Variants in CADM2 observed in about 807,000 individuals in gnomAD.
CADM2 encodes the protein cell adhesion molecule 2, also known as immunoglobulin superfamily member 4D.
CADM2 carries 12 observed loss-of-function variants against 49.8 expected under a neutral mutation model. That is an observed-to-expected ratio of 0.24 (90% CI 0.15 to 0.39). CADM2 has a LOEUF of 0.39. Among genes scored for constraint, CADM2 ranks in the 10% least tolerant of loss-of-function variants. The pLI, the probability that CADM2 is intolerant of heterozygous loss-of-function variation, is 1.00. For synonymous variants in CADM2, 214 were observed against 175.4 expected, an observed-to-expected ratio of 1.22 and a Z score of -1.74; for missense variants, 378 against 492.3, an observed-to-expected ratio of 0.77 and a Z score of 2.20.
At chr3:85,514,250 A>G (rs2060842131) in intron 1 of CADM2, among the ~76,000 whole-genome samples, 1 of 152,112 alleles carries the variant, frequency 6.6e-6, no homozygotes, top group South Asian at 2.1e-4. Context: ...AGTTGTAATG[A>G]GAATAATACC....
chr3:85,198,396 C>CT lies in CADM2; in HGVS notation c.61+238739dup, dbSNP rs71617935. On this transcript the variant is annotated intron_variant, in intron 1 of 9. Coordinates refer to ENST00000383699, the MANE Select transcript of CADM2 (RefSeq NM_001167675.2). ...TATATTCACTTACATGGTCCTATAT[C>CT]TTTTTTTTTTTCACTGTTTACAACC... Among the ~76,000 whole-genome samples, 973 of 144,358 alleles carry CT rather than the reference C, an allele frequency of 6.7e-3. 13 individuals are homozygous for CT. The highest frequency in any genetic ancestry group is 0.011 in the Non-Finnish European group (745 of 65,380). 94.7% of individuals were successfully genotyped at this position (144,358 alleles called of 152,430 possible).
rs1042611024 is a variant in CADM2 at position 85,613,704 on chromosome 3, G to T, written c.62-112818G>T. 7.9e-5 allele frequency among the ~76,000 whole-genome samples: 12 copies of T among 151,380 alleles called. No individual in the cohort carries two copies. The South Asian group carries it at 1.5e-3, about 18-fold the overall frequency. On this transcript the variant is annotated intron_variant, in intron 1 of 9. Coordinates refer to ENST00000383699, the MANE Select transcript of CADM2 (RefSeq NM_001167675.2). ...TAAAATTAGTCAGAAAATATGAAAT[G>T]GTAGCTAACTCAAAACTAGTGACTA... is the stretch of plus-strand genomic sequence containing the variant.
chr3:84,992,651 A>G (rs537536498), intron 1 of CADM2, among the ~76,000 whole-genome samples: 1 of 152,092 alleles, frequency 6.6e-6, no homozygotes, highest in Non-Finnish European at 1.5e-5. Flanking sequence ...AAATTAATAA[A>G]CAAATAACTA....
intron 8 of CADM2, among the ~76,000 whole-genome samples, chr3:85,970,508 T>A (rs191201318): frequency 5.7e-4 from 86 of 151,746 alleles, no homozygotes; most frequent in Admixed American, 4.6e-3. Context: ...TACCTGTAAA[T>A]AGACATTCAT....
chr3:85,686,580 G>A (rs1004914642), intron 1 of CADM2, among the ~76,000 whole-genome samples: 4 of 152,070 alleles, frequency 2.6e-5, no homozygotes, highest in Non-Finnish European at 5.9e-5. Flanking sequence ...AAAATATTTA[G>A]TATCTAAATG....
chr3:86,006,613 C>T (rs1211444844), intron 8 of CADM2, among the ~76,000 whole-genome samples: 1 of 152,176 alleles, frequency 6.6e-6, no homozygotes, highest in East Asian at 1.9e-4. Flanking sequence ...CAAGTGAGGA[C>T]TCCCTAGAGC....
intron 1 of CADM2, among the ~76,000 whole-genome samples, chr3:85,631,347 A>G (rs1416648481): frequency 6.6e-6 from 1 of 152,102 alleles, no homozygotes; most frequent in East Asian, 1.9e-4. Context: ...AGCTTAATAA[A>G]TGGCTGTTGA....
At chr3:86,028,167 G>A (rs897311216) in intron 8 of CADM2, among the ~76,000 whole-genome samples, 28 of 149,756 alleles carry the variant, frequency 1.9e-4, no homozygotes, top group African/African-American at 6.2e-4. Context: ...TAACCTGCAC[G>A]TTGTGCACGT....
chr3:85,763,042 T>C (rs2069469310), intron 2 of CADM2, among the ~76,000 whole-genome samples: 1 of 152,144 alleles, frequency 6.6e-6, no homozygotes, highest in African/African-American at 2.4e-5. Context: ...CTGGACATTA[T>C]TGACAATATT....
At chr3:85,932,432 T>C (rs539203150) in intron 6 of CADM2, among the ~76,000 whole-genome samples, 19 of 152,202 alleles carry the variant, frequency 1.2e-4, no homozygotes, top group African/African-American at 4.6e-4. Context: ...CCATGAGTGA[T>C]TGGTAAGTAA....
intron 1 of CADM2, among the ~76,000 whole-genome samples, chr3:85,612,161 G>T (rs1285753965): frequency 6.6e-6 from 1 of 151,708 alleles, no homozygotes; most frequent in African/African-American, 2.4e-5. Context: ...ACCAAAATTG[G>T]TTTAAAATTA....
chr3:85,653,821 C>T (rs2065122784), intron 1 of CADM2, among the ~76,000 whole-genome samples: 1 of 152,070 alleles, frequency 6.6e-6, no homozygotes, highest in South Asian at 2.1e-4. Context: ...TGAAGCTAAT[C>T]CAGCAAACAG....
intron 1 of CADM2, among the ~76,000 whole-genome samples, chr3:85,134,707 G>A (rs1191915697): frequency 1.3e-5 from 2 of 151,936 alleles, no homozygotes; most frequent in Non-Finnish European, 2.9e-5. Flanking sequence ...ACAGCTAATC[G>A]ATTGTCCACC....
intron 2 of CADM2, among the ~76,000 whole-genome samples, chr3:85,765,812 GTATGTATGGCAAAGCCCTA>G (rs1271157760): frequency 6.6e-6 from 1 of 151,874 alleles, no homozygotes; most frequent in African/African-American, 2.4e-5. Context: ...AGGGTAATTA[GTATGTATGGCAAAGCCCTA>G]TCTATGTTTT....
rs973889778 is a variant in CADM2, at chr3:85,979,198, C to A, written c.970+17551C>A. 5 of 1,610,680 alleles carry A rather than the reference C, an allele frequency of 3.1e-6. No individual in the cohort carries two copies. In the African/African-American group the frequency reaches 6.7e-5, roughly 22 times the overall value. On this transcript the variant is annotated intron_variant, in intron 8 of 9. Transcript: ENST00000383699. ...ACACTTTGCTTCCCACTACTATCAT[C>A]CCCTCCCTTACCACTGCAACAGTCA... is the stretch of plus-strand genomic sequence containing the variant.
intron 1 of CADM2, among the ~76,000 whole-genome samples, chr3:85,058,914 T>C (rs1426391595): frequency 6.6e-6 from 1 of 151,632 alleles, no homozygotes; most frequent in East Asian, 1.9e-4. Context: ...TAGAATTATA[T>C]AGTATTCTAT....
intron 1 of CADM2, among the ~76,000 whole-genome samples, chr3:85,173,230 A>G (rs17022571): frequency 0.069 from 10,448 of 151,852 alleles, 1,206 homozygotes; most frequent in African/African-American, 0.24. Flanking sequence ...AGGATTGACA[A>G]TTTCAGTATA....
At chr3:85,643,891 T>A (rs1451604442) in intron 1 of CADM2, among the ~76,000 whole-genome samples, 2 of 152,142 alleles carry the variant, frequency 1.3e-5, no homozygotes, top group Non-Finnish European at 2.9e-5. Context: ...TCTTAATACA[T>A]TTTTTAGGCT....
At chr3:85,523,579 A>T (rs774734910) in intron 1 of CADM2, among the ~76,000 whole-genome samples, 3 of 152,056 alleles carry the variant, frequency 2.0e-5, no homozygotes, top group Non-Finnish European at 4.4e-5. Context: ...ATTGTTTGAT[A>T]TCTGAAATTT....
Sources: allele counts gnomAD v4.1 joint callset (sites outside exome capture counted in the v4.1 genomes callset), GRCh38; gene constraint gnomAD v4.1.1; transcripts MANE v1.5; gene names NCBI Gene and HGNC (gene_info 2026-07-23, HGNC 2026-07-21).